Variants in ANKH observed in about 807,000 individuals in gnomAD.
ANKH encodes the protein ANKH inorganic pyrophosphate transport regulator.
In ANKH, 15 loss-of-function variants were observed where a neutral mutation model predicts 49.0. That is an observed-to-expected ratio of 0.31 (90% CI 0.20 to 0.47). The LOEUF is 0.47. ANKH is among the 20% of genes least tolerant of loss of function. The pLI is 1.00. For missense variants in ANKH, 429 were observed against 652.0 expected (o/e 0.66, Z 3.72); for synonymous variants, 273 against 260.0 (o/e 1.05, Z -0.48).
At chr5:14,837,085 G>A (rs1175747918) in intron 1 of ANKH, among the ~76,000 whole-genome samples, 3 of 152,282 alleles carry the variant, frequency 2.0e-5, no homozygotes, top group Non-Finnish European at 4.4e-5. Context: ...GCTGAAACTG[G>A]ATCCCTTCCT....
In ANKH at chr5:14,860,384, T is replaced by C. The variant is rs533090355; in HGVS notation, c.96+10968A>G. Among the ~76,000 whole-genome samples the C allele has an allele frequency of 3.3e-5, 5 of 152,310 alleles. No homozygotes were observed. The East Asian group carries it at 9.6e-4, about 29-fold the overall frequency. On this transcript the variant is annotated intron_variant, in intron 1 of 11. Transcript: ENST00000284268. ...ACTGCCTCCTTATTAAGTGTGGTTA[T>C]TTGTTACTCTCCTCTGTGCAGTTTG... is the stretch of plus-strand genomic sequence containing the variant.
intron 1 of ANKH, among the ~76,000 whole-genome samples, chr5:14,798,657 T>C (rs573828238): frequency 1.1e-4 from 16 of 152,290 alleles, no homozygotes; most frequent in African/African-American, 3.1e-4. Flanking sequence ...ATATCTGATA[T>C]GGTGATGTGT....
chr5:14,777,543 A>G (rs531079971), intron 1 of ANKH, among the ~76,000 whole-genome samples: 1 of 152,356 alleles, frequency 6.6e-6, no homozygotes, highest in Admixed American at 6.5e-5. Context: ...ATTAAATCCT[A>G]AAAGAGACGC....
intron 8 of ANKH, among the ~76,000 whole-genome samples, chr5:14,726,061 A>G (rs1457931284): frequency 6.6e-6 from 1 of 152,220 alleles, no homozygotes; most frequent in African/African-American, 2.4e-5. Context: ...GGGGAGGGGC[A>G]GCTTTCAGAA....
At chr5:14,859,939 A>C (rs1453838355) in intron 1 of ANKH, among the ~76,000 whole-genome samples, 1 of 152,228 alleles carries the variant, frequency 6.6e-6, no homozygotes, top group African/African-American at 2.4e-5. Flanking sequence ...CTATACCTGG[A>C]ATTAAGCCCA....
Position 14,716,692 on chromosome 5 carries a change from C to T in ANKH, c.1141+14G>A, listed in dbSNP as rs1364311300. 6.2e-7 allele frequency: 1 copy of T among 1,613,800 alleles called. No individual in the cohort carries two copies. Among genetic ancestry groups the T allele is most frequent in the African/African-American group, 1.3e-5 (1 of 75,042 alleles). On this transcript the variant is annotated intron_variant, in intron 9 of 11. Transcript: ENST00000284268. ...GATAAACAGGAATGCTTCCTTCATT[C>T]TGTTTTTCTTTACCTGGAACTGGGA... is the stretch of plus-strand genomic sequence containing the variant.
At chr5:14,752,649 T>C (rs1035834623) in intron 4 of ANKH, among the ~76,000 whole-genome samples, 5 of 151,906 alleles carry the variant, frequency 3.3e-5, no homozygotes, top group African/African-American at 1.2e-4. Flanking sequence ...AATGGCCAAA[T>C]ACCAATGGAA....
At chr5:14,849,080 T>G (rs1012295742) in intron 1 of ANKH, among the ~76,000 whole-genome samples, 1 of 152,178 alleles carries the variant, frequency 6.6e-6, no homozygotes, top group African/African-American at 2.4e-5. Flanking sequence ...GAATTCTTAG[T>G]CAGCCTAGGA....
rs1737794177 is a variant in ANKH at position 14,725,444 on chromosome 5, G to T, written c.1012-8609C>A. On this transcript the variant is annotated intron_variant, in intron 8 of 11. Coordinates refer to ENST00000284268, the MANE Select transcript of ANKH (RefSeq NM_054027.6). This position sits in a 1 kb window ranked among gnomAD's most constrained non-coding sequence, Gnocchi z 4.0. ...ACTGGACATCATACCTGGTGACCAA[G>T]TTGATTCACATTCCGGTGCTAGCTT... 6.6e-6 allele frequency among the ~76,000 whole-genome samples: 1 copy of T among 152,246 alleles called. No homozygotes were observed. Among genetic ancestry groups the T allele is most frequent in the Admixed American group, 6.5e-5 (1 of 15,282 alleles).
chr5:14,771,933 A>C (rs1429536421), intron 1 of ANKH, among the ~76,000 whole-genome samples: 29 of 145,400 alleles, frequency 2.0e-4, no homozygotes, highest in Non-Finnish European at 2.5e-4. Context: ...AAAAAAAAAA[A>C]AAAAAAAAAA....
intron 6 of ANKH, among the ~76,000 whole-genome samples, chr5:14,747,368 C>T (rs1738571317): frequency 6.6e-6 from 1 of 152,084 alleles, no homozygotes; most frequent in Admixed American, 6.5e-5. Flanking sequence ...TTGCTTGAGC[C>T]TGGGAGTTCG....
chr5:14,755,583 C>T (rs1441817525), intron 4 of ANKH, among the ~76,000 whole-genome samples: 1 of 152,198 alleles, frequency 6.6e-6, no homozygotes, highest in Non-Finnish European at 1.5e-5. Context: ...ATCTCATGTG[C>T]ATGCTCTTTA....
intron 8 of ANKH, among the ~76,000 whole-genome samples, chr5:14,718,391 TAAG>T (rs1340007003): frequency 3.3e-5 from 5 of 150,446 alleles, no homozygotes; most frequent in African/African-American, 1.2e-4. Context: ...AACTACAACT[TAAG>T]AGGAAACAAA....
intron 1 of ANKH, chr5:14,869,701 A>T (rs1055697299): frequency 6.6e-6 from 1 of 152,234 alleles, no homozygotes; most frequent in South Asian, 2.1e-4. Flanking sequence ...TCAGCCTTTC[A>T]TTAAATCAAG....
At chr5:14,858,521 G>GACCAT (rs1735361123) in intron 1 of ANKH, among the ~76,000 whole-genome samples, 1 of 152,126 alleles carries the variant, frequency 6.6e-6, no homozygotes, top group African/African-American at 2.4e-5. Context: ...TTTGAGATAA[G>GACCAT]CCTGGCCAGC....
rs1738860208 is a variant in ANKH, at chr5:14,755,586, G to A, written c.516+275C>T. ...GACTTTATGCTCATCTCATGTGCATGCTCTTTAAAAATAAAGGTCAAAACC... is the reference window on the plus strand; with the variant it reads ...GACTTTATGCTCATCTCATGTGCATACTCTTTAAAAATAAAGGTCAAAACC... On this transcript the variant is annotated intron_variant, in intron 4 of 11. Transcript: ENST00000284268. Among the ~76,000 whole-genome samples, 4 of 152,266 alleles carry A rather than the reference G, an allele frequency of 2.6e-5. No individual in the cohort carries two copies. In the South Asian group the frequency reaches 6.2e-4, roughly 24 times the overall value.
rs189686703 is a variant in ANKH at position 14,831,808 on chromosome 5, G to A, written c.96+39544C>T. On this transcript the variant is annotated intron_variant, in intron 1 of 11. Transcript: ENST00000284268. Reference sequence around the variant, plus strand: ...GTTTTCCTCAACCTACATATTCACCGTGCTAATTAAGGAAAAGCAGTTACC... The same window carrying A: ...GTTTTCCTCAACCTACATATTCACCATGCTAATTAAGGAAAAGCAGTTACC... 1.2e-4 allele frequency among the ~76,000 whole-genome samples: 19 copies of A among 152,254 alleles called. No homozygotes were observed. In the East Asian group the frequency reaches 2.7e-3, roughly 22 times the overall value.
chr5:14,854,275 C>T (rs927609177), intron 1 of ANKH, among the ~76,000 whole-genome samples: 5 of 152,180 alleles, frequency 3.3e-5, no homozygotes, highest in Non-Finnish European at 7.3e-5. Flanking sequence ...ACTGTTTATT[C>T]ATAACTTGTA....
At chr5:14,840,440 A>G (rs1309519368) in intron 1 of ANKH, among the ~76,000 whole-genome samples, 1 of 152,186 alleles carries the variant, frequency 6.6e-6, no homozygotes, top group Non-Finnish European at 1.5e-5. Flanking sequence ...ACATGGAAAA[A>G]TAAAAAAACA....
Sources: allele counts gnomAD v4.1 joint callset (sites outside exome capture counted in the v4.1 genomes callset), GRCh38; gene constraint gnomAD v4.1.1; non-coding constraint Gnocchi (gnomAD v3.1); transcripts MANE v1.5; gene names NCBI Gene and HGNC (gene_info 2026-07-23, HGNC 2026-07-21).